Variants in GABRB2 observed in about 807,000 individuals in gnomAD.
The protein encoded by GABRB2 is gamma-aminobutyric acid type A receptor subunit beta2, also known as gamma-aminobutyric acid receptor subunit beta-2.
GABRB2 carries 16 observed loss-of-function variants against 54.7 expected under a neutral mutation model. The ratio of observed to expected loss-of-function variants is 0.29; its 90% CI spans 0.20 to 0.44. The LOEUF is 0.44. Among genes scored for constraint, GABRB2 ranks in the 20% least tolerant of loss-of-function variants. The pLI is 1.00. For synonymous variants in GABRB2, 244 were observed against 233.8 expected (o/e 1.04, Z -0.40); for missense variants, 355 against 644.0 (o/e 0.55, Z 4.86).
chr5:161,501,703 T>C (rs1759450987), intron 3 of GABRB2, among the ~76,000 whole-genome samples: 1 of 151,994 alleles, frequency 6.6e-6, no homozygotes, highest in Non-Finnish European at 1.5e-5. Context: ...TGCATTTAAA[T>C]ATAGGTTTTC....
At chr5:161,511,299 C>T (rs1302915486) in intron 3 of GABRB2, among the ~76,000 whole-genome samples, 3 of 151,764 alleles carry the variant, frequency 2.0e-5, no homozygotes, top group Admixed American at 6.6e-5. Context: ...AAAAGTTGAC[C>T]TTTAAATTGT....
intron 5 of GABRB2, among the ~76,000 whole-genome samples, chr5:161,359,624 T>C (rs753565296): frequency 6.6e-6 from 1 of 152,186 alleles, no homozygotes; most frequent in African/African-American, 2.4e-5. Context: ...CCAAACACTA[T>C]AAAATGTTCT....
intron 3 of GABRB2, among the ~76,000 whole-genome samples, chr5:161,533,587 G>T (rs1760534308): frequency 6.6e-6 from 1 of 151,932 alleles, no homozygotes; most frequent in South Asian, 2.1e-4. Flanking sequence ...TGTTATTGTT[G>T]CTTAAGTAAA....
At chr5:161,517,751 T>G (rs1759990730) in intron 3 of GABRB2, among the ~76,000 whole-genome samples, 1 of 152,150 alleles carries the variant, frequency 6.6e-6, no homozygotes, top group South Asian at 2.1e-4. Context: ...TCAACACATC[T>G]TATCTAAATT....
intron 3 of GABRB2, among the ~76,000 whole-genome samples, chr5:161,477,366 A>G (rs1370144655): frequency 6.6e-6 from 1 of 151,722 alleles, no homozygotes; most frequent in Non-Finnish European, 1.5e-5. Context: ...TAGGAAAGTA[A>G]AATGGTGCAG....
At chr5:161,531,281 A>G (rs1760453386) in intron 3 of GABRB2, among the ~76,000 whole-genome samples, 1 of 152,166 alleles carries the variant, frequency 6.6e-6, no homozygotes, top group Admixed American at 6.6e-5. Context: ...ATTAATGTTA[A>G]AAGTATTTCT....
At chr5:161,360,548 T>C (rs1308510247) in intron 5 of GABRB2, among the ~76,000 whole-genome samples, 1 of 152,196 alleles carries the variant, frequency 6.6e-6, no homozygotes, top group Non-Finnish European at 1.5e-5. Context: ...TTTTAAAAAC[T>C]GGCAAATACG....
chr5:161,310,646 TAC>T (rs201208068), intron 9 of GABRB2, among the ~76,000 whole-genome samples: 2,320 of 151,328 alleles, frequency 0.015, 23 homozygotes, highest in Middle Eastern at 0.082. Context: ...TTCTTTCGTG[TAC>T]ACACACATGC....
At chr5:161,536,242 A>G (rs529669108) in intron 3 of GABRB2, among the ~76,000 whole-genome samples, 1 of 152,250 alleles carries the variant, frequency 6.6e-6, no homozygotes, top group African/African-American at 2.4e-5. Flanking sequence ...GCGCTGTACG[A>G]AAGTTCAGGA....
chr5:161,356,618 G>C (rs1341139517), intron 5 of GABRB2, among the ~76,000 whole-genome samples: 1 of 152,114 alleles, frequency 6.6e-6, no homozygotes, highest in African/African-American at 2.4e-5. Context: ...GTTTGGAAAG[G>C]GCGGAGAGGA....
At chr5:161,526,884 C>T (rs1481299023) in intron 3 of GABRB2, among the ~76,000 whole-genome samples, 1 of 151,344 alleles carries the variant, frequency 6.6e-6, no homozygotes, top group African/African-American at 2.4e-5. Flanking sequence ...ATGTATAAAA[C>T]AGGAAACATA....
chr5:161,365,095 C>T (rs985828422), intron 5 of GABRB2, among the ~76,000 whole-genome samples: 16 of 152,082 alleles, frequency 1.1e-4, no homozygotes, highest in Non-Finnish European at 1.6e-4. Context: ...AAAGAGAAAC[C>T]GTTTTTTGGG....
Position 161,526,998 on chromosome 5 carries a change from T to G in GABRB2, c.237+18229A>C, listed in dbSNP as rs140038111. Among the ~76,000 whole-genome samples, 190 of 151,588 alleles carry G rather than the reference T, an allele frequency of 1.3e-3. 1 individual carries two copies. The highest frequency in any genetic ancestry group is 2.4e-3 in the Non-Finnish European group (159 of 67,504). The stretch of plus-strand genomic sequence containing the variant: ...TTACAACAAAAATAGGGGTAGCATT[T>G]TTAAATTGCCAAAACTTAAAGATTG... On this transcript the variant is annotated intron_variant, in intron 3 of 9. Transcript: ENST00000393959.
chr5:161,377,210 G>A (rs1471604882), intron 5 of GABRB2, among the ~76,000 whole-genome samples: 1 of 152,096 alleles, frequency 6.6e-6, no homozygotes, highest in Non-Finnish European at 1.5e-5. Flanking sequence ...TTGAGTGTCT[G>A]TAGAATCACT....
At chr5:161,298,835 C>T (rs1359461259) in intron 9 of GABRB2, among the ~76,000 whole-genome samples, 1 of 152,170 alleles carries the variant, frequency 6.6e-6, no homozygotes, top group Non-Finnish European at 1.5e-5. Context: ...TTCAGTTATC[C>T]CAGTATCCCT....
chr5:161,368,322 T>C (rs1024441909), intron 5 of GABRB2, among the ~76,000 whole-genome samples: 5 of 152,166 alleles, frequency 3.3e-5, no homozygotes, highest in African/African-American at 1.2e-4. Flanking sequence ...GAATGATCAA[T>C]AATAGGCCAG....
intron 3 of GABRB2, among the ~76,000 whole-genome samples, chr5:161,483,610 T>C (rs980852824): frequency 5.3e-5 from 8 of 151,970 alleles, no homozygotes; most frequent in Non-Finnish European, 1.2e-4. Context: ...TTCAGCATTC[T>C]GGTTCAGAAA....
At chr5:161,307,064 T>C (rs980938324) in intron 9 of GABRB2, among the ~76,000 whole-genome samples, 1 of 152,208 alleles carries the variant, frequency 6.6e-6, no homozygotes, top group African/African-American at 2.4e-5. Flanking sequence ...GCTGTTTGAA[T>C]AGAACCAAGG....
intron 7 of GABRB2, among the ~76,000 whole-genome samples, chr5:161,331,697 C>A (rs112944029): frequency 6.6e-6 from 1 of 151,860 alleles, no homozygotes; most frequent in Non-Finnish European, 1.5e-5. Context: ...TGGGAAGAAT[C>A]GTGAGAAGAC....
Sources: gnomAD v4.1 joint callset for allele counts (sites outside exome capture counted in the v4.1 genomes callset) on GRCh38, gnomAD v4.1.1 for gene constraint, MANE v1.5 for transcripts, NCBI Gene and HGNC (gene_info 2026-07-23, HGNC 2026-07-21) for gene names.